The following SORCS3 variants were observed in gnomAD, a reference collection of about 807,000 sequenced individuals.
The protein encoded by SORCS3 is VPS10 domain-containing receptor SorCS3.
SORCS3 carries 57 observed loss-of-function variants against 146.3 expected under a neutral mutation model. The observed-to-expected ratio is 0.39, with a 90% CI of 0.31 to 0.49. The LOEUF (loss-of-function observed/expected upper bound fraction) is 0.49, where lower values mean the gene tolerates loss of function less well. Ranked by LOEUF, SORCS3 falls within the 20% of genes least tolerant of loss-of-function variation. SORCS3 has a pLI of 0.92. For missense variants in SORCS3, 1,341 were observed against 1,575.5 expected, an observed-to-expected ratio of 0.85 and a Z score of 2.52; for synonymous variants, 653 against 618.5, an observed-to-expected ratio of 1.06 and a Z score of -0.83.
chr10:105,198,558 A>G (rs1323570109), intron 14 of SORCS3, among the ~76,000 whole-genome samples: 1 of 152,188 alleles, frequency 6.6e-6, no homozygotes, highest in Non-Finnish European at 1.5e-5. Flanking sequence ...GAAATACCTT[A>G]GTGGATGACC....
intron 6 of SORCS3, among the ~76,000 whole-genome samples, chr10:105,100,106 A>G (rs902023581): frequency 9.2e-5 from 14 of 152,282 alleles, no homozygotes; most frequent in Non-Finnish European, 1.8e-4. Context: ...TGCTCCCTAA[A>G]GGGCCTGCTA....
At chr10:104,910,596 GAACACTTATGTACATGTAGA>G (rs1222134810) in intron 2 of SORCS3, among the ~76,000 whole-genome samples, 3 of 152,174 alleles carry the variant, frequency 2.0e-5, no homozygotes, top group Non-Finnish European at 4.4e-5. Flanking sequence ...TCCTATGTGA[GAACACTTATGTACATGTAGA>G]AACACTCAAA....
chr10:104,984,296 A>C (rs996766818), intron 4 of SORCS3, among the ~76,000 whole-genome samples: 1 of 152,196 alleles, frequency 6.6e-6, no homozygotes, highest in Non-Finnish European at 1.5e-5. Context: ...TCATAAGGAC[A>C]ATTTGAAAAA....
intron 2 of SORCS3, among the ~76,000 whole-genome samples, chr10:104,886,588 A>G (rs1003309761): frequency 6.6e-6 from 1 of 151,810 alleles, no homozygotes; most frequent in African/African-American, 2.4e-5. Flanking sequence ...CTATCTATCT[A>G]TCTATCTATC....
intron 2 of SORCS3, among the ~76,000 whole-genome samples, chr10:104,883,041 C>G (rs2018646475): frequency 6.6e-6 from 1 of 152,168 alleles, no homozygotes; most frequent in Non-Finnish European, 1.5e-5. Flanking sequence ...ACCTGCCAGT[C>G]AATTCTCAAC....
chr10:104,742,335 A>G (rs184831936), intron 1 of SORCS3, among the ~76,000 whole-genome samples: 9 of 152,338 alleles, frequency 5.9e-5, no homozygotes, highest in African/African-American at 2.2e-4. Context: ...GTGACAAGTC[A>G]TAACCTTAGT....
chr10:104,842,761 C>G (rs975883371), intron 1 of SORCS3, 31 bp from the exon 2 acceptor site: 1 of 1,578,704 alleles, frequency 6.3e-7, no homozygotes, highest in Non-Finnish European at 8.7e-7. Flanking sequence ...CTTTGTTCCT[C>G]TCCTTTGCCC....
intron 5 of SORCS3, among the ~76,000 whole-genome samples, chr10:105,045,021 GAAA>G (rs35904016): frequency 1.7e-5 from 2 of 118,008 alleles, no homozygotes; most frequent in Non-Finnish European, 3.4e-5. Flanking sequence ...TCCAGAATTC[GAAA>G]AAAAAAAAAA....
chr10:105,142,412 T>C (rs2119454010), intron 8 of SORCS3, among the ~76,000 whole-genome samples: 1 of 152,322 alleles, frequency 6.6e-6, no homozygotes, highest in Middle Eastern at 3.4e-3. Context: ...ATTCCCATTC[T>C]TTTTCTCATA....
At chr10:105,186,515 A>AG (rs2119581662) in intron 14 of SORCS3, among the ~76,000 whole-genome samples, 1 of 151,934 alleles carries the variant, frequency 6.6e-6, no homozygotes, top group Non-Finnish European at 1.5e-5. Context: ...GGAAACTGAG[A>AG]AATGTCATGA....
At chr10:105,099,049 TG>T (rs2055765763) in intron 6 of SORCS3, among the ~76,000 whole-genome samples, 1 of 152,222 alleles carries the variant, frequency 6.6e-6, no homozygotes. Context: ...TGCCTTTGTT[TG>T]TTTTTAGAAT....
chr10:104,851,024 G>T (rs943412142), intron 2 of SORCS3, among the ~76,000 whole-genome samples: 3 of 152,174 alleles, frequency 2.0e-5, no homozygotes, highest in African/African-American at 7.2e-5. Flanking sequence ...TACTTAGTTT[G>T]AATTCATTAA....
intron 9 of SORCS3, among the ~76,000 whole-genome samples, chr10:105,152,760 A>C (rs1205207846): frequency 6.6e-6 from 1 of 152,200 alleles, no homozygotes; most frequent in Non-Finnish European, 1.5e-5. Flanking sequence ...CACAGTCGTA[A>C]ACAACTTATA....
chr10:105,237,896 G>T (rs1349042618), intron 20 of SORCS3, among the ~76,000 whole-genome samples: 1 of 152,102 alleles, frequency 6.6e-6, no homozygotes, highest in Non-Finnish European at 1.5e-5. Context: ...TGTTTGTGTT[G>T]GTGTGACTAG....
rs17117683 is a variant in SORCS3, at chr10:104,804,487, T to C, written c.628-38305T>C. On this transcript the variant is annotated intron_variant, in intron 1 of 26. Transcript: ENST00000369701. ...GTGCCCTCACTTGCATGATTTTATA[T>C]ATTCTTCACAGTAGTCCTGGGAGTA... is the stretch of plus-strand genomic sequence containing the variant. Among the ~76,000 whole-genome samples, 194 of 152,320 alleles carry C rather than the reference T, an allele frequency of 1.3e-3. 4 individuals are homozygous for C. Among genetic ancestry groups the C allele is most frequent in the Admixed American group, 0.01 (153 of 15,298 alleles).
At chr10:104,952,655 T>G (rs1564721064) in intron 3 of SORCS3, among the ~76,000 whole-genome samples, 1 of 152,168 alleles carries the variant, frequency 6.6e-6, no homozygotes. Flanking sequence ...GTGCTTACTC[T>G]TTTCTGATAA....
At chr10:105,162,882 C>T (rs2056277560) in intron 11 of SORCS3, among the ~76,000 whole-genome samples, 1 of 152,162 alleles carries the variant, frequency 6.6e-6, no homozygotes, top group East Asian at 1.9e-4. Flanking sequence ...TGTTGATCAC[C>T]ACCACATTCT....
chr10:104,888,191 C>G (rs995160400), intron 2 of SORCS3, among the ~76,000 whole-genome samples: 36 of 152,174 alleles, frequency 2.4e-4, no homozygotes, highest in Non-Finnish European at 4.3e-4. Flanking sequence ...ACAATTGTAA[C>G]AGTTAACCTC....
At chr10:105,016,155 A>ATATATTTTT (rs71482443) in intron 4 of SORCS3, among the ~76,000 whole-genome samples, 9 of 101,322 alleles carry the variant, frequency 8.9e-5, no homozygotes, top group South Asian at 3.4e-4. Flanking sequence ...ATATATATAT[A>ATATATTTTT]TTTTTTTTTT....
Sources: allele counts gnomAD v4.1 joint callset (sites outside exome capture counted in the v4.1 genomes callset), GRCh38; gene constraint gnomAD v4.1.1; transcripts MANE v1.5; gene names NCBI Gene and HGNC (gene_info 2026-07-23, HGNC 2026-07-21).